LRMDA: variants seen among roughly 807,000 people sequenced by gnomAD.
LRMDA encodes leucine-rich melanocyte differentiation-associated protein.
In LRMDA, 18 loss-of-function variants were observed where a neutral mutation model predicts 29.8. The ratio of observed to expected loss-of-function variants is 0.60; its 90% CI spans 0.42 to 0.90. The LOEUF (loss-of-function observed/expected upper bound fraction) is 0.90. Ranked by LOEUF, LRMDA falls within the 40% of genes least tolerant of loss-of-function variation. The pLI, the probability that LRMDA is intolerant of heterozygous loss-of-function variation, is 0.00. For synonymous variants in LRMDA, 125 were observed against 109.4 expected (o/e 1.14, Z -0.89); for missense variants, 273 against 273.9 (o/e 1.00, Z 0.02).
Position 76,056,710 on chromosome 10 carries a change from C to T in LRMDA, c.399-1956C>T, listed in dbSNP as rs191768668. On this transcript the variant is annotated intron_variant, in intron 4 of 6. Transcript: ENST00000611255. The stretch of plus-strand genomic sequence containing the variant: ...CACTTTGCTCCAAAATTGGAGTGGG[C>T]ATTGGGAGTCGGGAGAGGCCAGGCA... Among the ~76,000 whole-genome samples, 208 of 152,338 alleles carry T rather than the reference C, an allele frequency of 1.4e-3. 1 individual carries two copies. The highest frequency in any genetic ancestry group is 0.014 in the Middle Eastern group (4 of 294).
At chr10:76,104,057 A>G (rs1486087291) in intron 5 of LRMDA, among the ~76,000 whole-genome samples, 1 of 152,054 alleles carries the variant, frequency 6.6e-6, no homozygotes, top group East Asian at 1.9e-4. Context: ...AAAAAAAAAA[A>G]AAAAATTCCA....
At chr10:75,540,917 T>G (rs1047416989) in intron 2 of LRMDA, among the ~76,000 whole-genome samples, 19 of 152,068 alleles carry the variant, frequency 1.2e-4, no homozygotes, top group African/African-American at 4.3e-4. Context: ...GCAGAGTCAA[T>G]AAACTCATTG....
chr10:76,173,885 C>G (rs1216486640), intron 5 of LRMDA, among the ~76,000 whole-genome samples: 1 of 152,184 alleles, frequency 6.6e-6, no homozygotes, highest in Non-Finnish European at 1.5e-5. Flanking sequence ...TGGTCTCAAT[C>G]TTCTGACCTC....
intron 6 of LRMDA, among the ~76,000 whole-genome samples, chr10:76,458,631 A>G (rs538523117): frequency 2.0e-5 from 3 of 152,232 alleles, no homozygotes; most frequent in South Asian, 4.2e-4. Context: ...TTCTTTAAGG[A>G]ATGACCTCAA....
In LRMDA at chr10:76,324,481, C is replaced by T; in HGVS notation, c.597C>T (p.His199=). The T allele has an allele frequency of 6.2e-7, 1 of 1,614,034 alleles. No individual in the cohort carries two copies. Among genetic ancestry groups the T allele is most frequent in the Admixed American group, 1.7e-5 (1 of 60,004 alleles). ...LPSASRELTS[H]QGVLGKCRYV... The stretch of plus-strand genomic sequence containing the variant: ...CTGCTTCCAGGGAACTCACCAGTCA[C>T]CAAGGTTGGAACTCAGCTTTTTATT... The change falls in exon 6 of 7, where the codon CAC becomes CAT. Residue 199 remains histidine (H), a synonymous_variant. Coordinates refer to ENST00000611255, the MANE Select transcript of LRMDA (RefSeq NM_001305581.2).
intron 5 of LRMDA, among the ~76,000 whole-genome samples, chr10:76,076,345 CAAAAAA>C (rs397846101): frequency 4.0e-5 from 2 of 50,030 alleles, no homozygotes; most frequent in African/African-American, 8.6e-5. Context: ...GACTCCATCT[CAAAAAA>C]AAAAAAAAAA....
At chr10:75,767,559 G>A (rs1026421730) in intron 2 of LRMDA, among the ~76,000 whole-genome samples, 2 of 151,498 alleles carry the variant, frequency 1.3e-5, no homozygotes, top group Admixed American at 6.6e-5. Flanking sequence ...GGCAGTCTTA[G>A]TGCTGTCGGT....
chr10:75,602,721 T>C (rs373916252), intron 2 of LRMDA, among the ~76,000 whole-genome samples: 49 of 152,330 alleles, frequency 3.2e-4, no homozygotes, highest in African/African-American at 1.1e-3. Context: ...AAGTAATTTG[T>C]GTCTTTGAAA....
At chr10:75,551,488 C>T (rs1421640736) in intron 2 of LRMDA, among the ~76,000 whole-genome samples, 1 of 152,020 alleles carries the variant, frequency 6.6e-6, no homozygotes, top group Non-Finnish European at 1.5e-5. Context: ...TCCCCTAGCC[C>T]CCATCCCCCA....
chr10:75,501,780 C>A (rs913761519), intron 2 of LRMDA, among the ~76,000 whole-genome samples: 1 of 152,112 alleles, frequency 6.6e-6, no homozygotes, highest in Non-Finnish European at 1.5e-5. Flanking sequence ...TAAAACTGCT[C>A]CCAGGTCTTA....
intron 2 of LRMDA, among the ~76,000 whole-genome samples, chr10:75,962,019 T>C (rs1243016578): frequency 6.6e-6 from 1 of 152,074 alleles, no homozygotes; most frequent in Non-Finnish European, 1.5e-5. Context: ...TATCCAAATC[T>C]CCCCTTGGTG....
chr10:75,726,513 G>A (rs1473458556), intron 2 of LRMDA, among the ~76,000 whole-genome samples: 1 of 152,204 alleles, frequency 6.6e-6, no homozygotes, highest in Non-Finnish European at 1.5e-5. Flanking sequence ...TTATGCCTGA[G>A]TGGTTTTTAC....
intron 6 of LRMDA, among the ~76,000 whole-genome samples, chr10:76,480,125 G>T (rs1316590129): frequency 1.3e-5 from 2 of 152,068 alleles, no homozygotes; most frequent in East Asian, 3.9e-4. Flanking sequence ...AAGATTAGAT[G>T]AAAATGATGT....
At chr10:76,242,869 C>G (rs1489780598) in intron 5 of LRMDA, among the ~76,000 whole-genome samples, 2 of 152,142 alleles carry the variant, frequency 1.3e-5, no homozygotes, top group Admixed American at 6.6e-5. Flanking sequence ...TGCCACATTT[C>G]TTGCATTTTA....
At chr10:76,483,030 C>T (rs923065963) in intron 6 of LRMDA, among the ~76,000 whole-genome samples, 2 of 151,838 alleles carry the variant, frequency 1.3e-5, no homozygotes, top group Non-Finnish European at 2.9e-5. Context: ...ATTTAAATTT[C>T]CTCTATTGTG....
intron 2 of LRMDA, among the ~76,000 whole-genome samples, chr10:75,914,016 C>A (rs1384701539): frequency 1.3e-5 from 2 of 152,242 alleles, no homozygotes; most frequent in Non-Finnish European, 2.9e-5. Flanking sequence ...GAGAAGCACC[C>A]TCCTGTCCTT....
At chr10:76,340,555 AC>A (rs1267468877) in intron 6 of LRMDA, among the ~76,000 whole-genome samples, 2 of 150,686 alleles carry the variant, frequency 1.3e-5, no homozygotes, top group African/African-American at 4.9e-5. Context: ...AGAGGGAGAA[AC>A]CTATGAAATT....
At chr10:76,018,076 G>A (rs868468377) in intron 2 of LRMDA, among the ~76,000 whole-genome samples, 16 of 152,190 alleles carry the variant, frequency 1.1e-4, no homozygotes, top group Non-Finnish European at 1.6e-4. Flanking sequence ...GGATTTAGCT[G>A]TAACCCTTGG....
At chr10:75,930,031 A>G (rs970580978) in intron 2 of LRMDA, among the ~76,000 whole-genome samples, 30 of 152,208 alleles carry the variant, frequency 2.0e-4, no homozygotes, top group Non-Finnish European at 2.4e-4. Context: ...CATGAAGCAC[A>G]TTGAAGACTG....
Sources: gnomAD v4.1 joint callset for allele counts (sites outside exome capture counted in the v4.1 genomes callset) on GRCh38, gnomAD v4.1.1 for gene constraint, MANE v1.5 for transcripts, NCBI Gene and HGNC (gene_info 2026-07-23, HGNC 2026-07-21) for gene names.